The following DGKK variants were observed in gnomAD, a reference collection of about 807,000 sequenced individuals.
DGKK encodes the protein diacylglycerol kinase kappa, also known as 142 kDa diacylglycerol kinase.
DGKK carries 35 observed loss-of-function variants against 92.2 expected under a neutral mutation model. The observed-to-expected ratio is 0.38, with a 90% confidence interval of 0.29 to 0.50. The LOEUF (loss-of-function observed/expected upper bound fraction) is 0.50. Ranked by LOEUF, DGKK falls within the 20% of genes least tolerant of loss-of-function variation. DGKK has a pLI of 0.92. For missense variants in DGKK, 910 were observed against 992.2 expected (o/e 0.92, Z 1.11); for synonymous variants, 368 against 360.6 (o/e 1.02, Z -0.23).
In DGKK at chrX:50,370,436, CTG is replaced by C; in HGVS notation, c.3724_3725del (p.Gln1242GlufsTer13). On this transcript the variant is annotated frameshift_variant, in exon 27 of 28. Coordinates refer to ENST00000611977, the MANE Select transcript of DGKK (RefSeq NM_001013742.4). LOFTEE classifies it high-confidence loss of function. The stretch of plus-strand genomic sequence containing the variant: ...GTGGGGGAGACTTACCAATAAAACT[CTG>C]GACACTCTGGCCTGATTTAGGCTTG... ...ERKPKSGQSV[Q>X]SFIGNLWHRR... 8.4e-7 allele frequency: 1 copy of C among 1,190,761 alleles called. No individual in the cohort carries two copies. Among genetic ancestry groups the C allele is most frequent in the Non-Finnish European group, 1.1e-6 (1 of 884,282 alleles).
At chrX:50,398,225 G>T (rs144201464) in intron 8 of DGKK, among the ~76,000 whole-genome samples, 636 of 111,587 alleles carry the variant, frequency 5.7e-3, no homozygotes, top group Non-Finnish European at 8.9e-3. Context: ...CAGCCAGGGG[G>T]CATTGAACCA....
At chrX:50,463,599 C>G (rs1344276353) in intron 1 of DGKK, among the ~76,000 whole-genome samples, 1 of 103,527 alleles carries the variant, frequency 9.7e-6, no homozygotes. Flanking sequence ...CTCCCCTCCT[C>G]CCTCCCTTCC....
At chrX:50,372,517 C>T (rs185022142) in intron 25 of DGKK, among the ~76,000 whole-genome samples, 148 of 111,912 alleles carry the variant, frequency 1.3e-3, no homozygotes, top group Admixed American at 1.6e-3. Flanking sequence ...TCAACTTTCT[C>T]CTCCTGGAAA....
At chrX:50,437,806 T>C (rs1461847838) in intron 1 of DGKK, among the ~76,000 whole-genome samples, 3 of 111,361 alleles carry the variant, frequency 2.7e-5, no homozygotes, top group East Asian at 2.8e-4. Flanking sequence ...TGACAAGGGA[T>C]GCTTATTTTC....
chrX:50,412,451 C>T (rs1248090830), intron 4 of DGKK, among the ~76,000 whole-genome samples: 2 of 111,963 alleles, frequency 1.8e-5, no homozygotes, highest in Non-Finnish European at 3.8e-5. Context: ...GAACACCTTT[C>T]CTCTAAGATC....
chrX:50,420,401 AC>A lies in DGKK; in HGVS notation c.942+1del. On this transcript the variant is annotated splice_donor_variant, in intron 4 of 27. Coordinates refer to ENST00000611977, the MANE Select transcript of DGKK (RefSeq NM_001013742.4). LOFTEE classifies it high-confidence loss of function. ...GTGTGGCTTCTCTACTAGTTTTCTT[AC>A]CTTATAAATTTCTCCCTGTTGGATG... 1.7e-6 allele frequency: 2 copies of A among 1,204,994 alleles called. No individual in the cohort carries two copies. Among genetic ancestry groups the A allele is most frequent in the Non-Finnish European group, 2.2e-6 (2 of 890,652 alleles).
chrX:50,467,333 C>G (rs1926932843), intron 1 of DGKK, among the ~76,000 whole-genome samples: 1 of 112,605 alleles, frequency 8.9e-6, no homozygotes, highest in South Asian at 3.7e-4. Flanking sequence ...TGAAACTTTC[C>G]TGAAATTCCA....
At chrX:50,457,971 T>C (rs1926652355) in intron 1 of DGKK, among the ~76,000 whole-genome samples, 1 of 110,784 alleles carries the variant, frequency 9.0e-6, no homozygotes. Context: ...ACGGCCATGT[T>C]TCCGAGAAAG....
chrX:50,470,242 G>A lies in DGKK; in HGVS notation c.437C>T (p.Ala146Val), dbSNP rs1557234378. 8.3e-7 allele frequency: 1 copy of A among 1,210,819 alleles called. No individual in the cohort carries two copies. The highest frequency in any genetic ancestry group is 1.1e-6 in the Non-Finnish European group (1 of 895,060). Residue 146 changes from alanine to valine, a missense_variant, in exon 1 of 28, where the codon GCC becomes GTC. Transcript: ENST00000611977. ...EPAPELTPEV[A>V]PELAPEPTPE... ...GGTCGGCTCTGGGGCCAGCTCTGGG[G>A]CAACTTCTGGAGTCAGCTCTGGGGC...
At chrX:50,415,093 G>A (rs1018007271) in intron 4 of DGKK, among the ~76,000 whole-genome samples, 5 of 111,781 alleles carry the variant, frequency 4.5e-5, no homozygotes, top group Non-Finnish European at 9.4e-5. Context: ...TGTGGGGATG[G>A]AAGAGTCCAG....
chrX:50,431,869 C>T (rs894568830), intron 1 of DGKK, among the ~76,000 whole-genome samples: 1 of 111,361 alleles, frequency 9.0e-6, no homozygotes, highest in African/African-American at 3.3e-5. Flanking sequence ...AGCTGTGTGA[C>T]CTTGGGCAAA....
chrX:50,386,257 G>C, intron 15 of DGKK, 101 bp downstream of exon 15: 1 of 567,234 alleles, frequency 1.8e-6, no homozygotes, highest in Non-Finnish European at 2.9e-6. Context: ...ACTTTTTGTA[G>C]CAGAGTCAGA....
intron 4 of DGKK, among the ~76,000 whole-genome samples, chrX:50,411,729 A>G (rs1240305442): frequency 8.9e-6 from 1 of 111,930 alleles, no homozygotes; most frequent in Non-Finnish European, 1.9e-5. Context: ...CAGAGCAATT[A>G]GGCAGGAGAA....
At chrX:50,379,777 G>A in intron 19 of DGKK, 43 bp from the exon 20 acceptor site, 1 of 1,078,127 alleles carries the variant, frequency 9.3e-7, no homozygotes, top group Non-Finnish European at 1.3e-6. Flanking sequence ...TCTTTAGATA[G>A]CAACATGAAG....
intron 1 of DGKK, among the ~76,000 whole-genome samples, chrX:50,447,354 TATA>T (rs1215064565): frequency 0.018 from 163 of 8,977 alleles, 16 homozygotes; most frequent in African/African-American, 0.11. Flanking sequence ...TATATATATA[TATA>T]ATATATATAT....
At chrX:50,424,404 G>A in intron 1 of DGKK, 46 bp from the exon 2 acceptor site, 1 of 1,077,686 alleles carries the variant, frequency 9.3e-7, no homozygotes, top group South Asian at 2.0e-5. Context: ...CAATTCATAA[G>A]GTCATATCAC....
intron 1 of DGKK, among the ~76,000 whole-genome samples, chrX:50,430,165 C>A (rs889041246): frequency 8.9e-6 from 1 of 112,127 alleles, no homozygotes; most frequent in Non-Finnish European, 1.9e-5. Context: ...GAATGGGACT[C>A]CATATGGGAA....
chrX:50,409,250 G>A (rs1925247469), intron 4 of DGKK, among the ~76,000 whole-genome samples: 1 of 109,266 alleles, frequency 9.2e-6, no homozygotes, highest in Admixed American at 9.8e-5. Flanking sequence ...GGCAGAGATT[G>A]GAGTGATGTG....
intron 1 of DGKK, among the ~76,000 whole-genome samples, chrX:50,428,252 C>T (rs367974723): frequency 2.7e-5 from 3 of 110,127 alleles, no homozygotes; most frequent in East Asian, 5.7e-4. Context: ...GAATTACTCT[C>T]GCAGATACTA....
Sources: gnomAD v4.1 joint callset for allele counts (sites outside exome capture counted in the v4.1 genomes callset) on GRCh38, gnomAD v4.1.1 for gene constraint, MANE v1.5 for transcripts, NCBI Gene and HGNC (gene_info 2026-07-23, HGNC 2026-07-21) for gene names.